Variants in PEX14 observed in about 807,000 individuals in gnomAD.
The protein encoded by PEX14 is peroxisomal biogenesis factor 14.
In PEX14, 15 loss-of-function variants were observed where a neutral mutation model predicts 49.5. That is an observed-to-expected ratio of 0.30 (90% CI 0.20 to 0.47). The LOEUF (loss-of-function observed/expected upper bound fraction) is 0.47. PEX14 is among the 20% of genes least tolerant of loss of function. PEX14 has a pLI of 1.00. For missense variants in PEX14, 398 were observed against 494.8 expected (o/e 0.80, Z 1.86); for synonymous variants, 210 against 212.7 (o/e 0.99, Z 0.11).
chr1:10,491,509 A>G (rs1641471980), intron 1 of PEX14, among the ~76,000 whole-genome samples: 1 of 149,718 alleles, frequency 6.7e-6, no homozygotes, highest in Non-Finnish European at 1.5e-5. Flanking sequence ...CTGGGACTAT[A>G]GGATGCACCA....
At chr1:10,483,778 C>T (rs1641322925) in intron 1 of PEX14, among the ~76,000 whole-genome samples, 1 of 151,662 alleles carries the variant, frequency 6.6e-6, no homozygotes, top group South Asian at 2.1e-4. Flanking sequence ...CCTGTGTAAC[C>T]ACCACTGCCA....
chr1:10,497,341 T>C (rs1336804247), intron 2 of PEX14, among the ~76,000 whole-genome samples: 1 of 152,084 alleles, frequency 6.6e-6, no homozygotes, highest in Non-Finnish European at 1.5e-5. Context: ...CACAGCTCAG[T>C]GTGGTGGTGT....
At chr1:10,525,389 C>A (rs756069455) in intron 2 of PEX14, among the ~76,000 whole-genome samples, 1 of 152,034 alleles carries the variant, frequency 6.6e-6, no homozygotes, top group Non-Finnish European at 1.5e-5. Context: ...CTGTGTTTCA[C>A]ACTTTGTGTT....
intron 3 of PEX14, among the ~76,000 whole-genome samples, chr1:10,575,818 A>AT (rs1044034779): frequency 1.3e-5 from 2 of 152,084 alleles, no homozygotes; most frequent in African/African-American, 4.8e-5. Context: ...GACTCATAGG[A>AT]TATGATGGTT....
intron 3 of PEX14, among the ~76,000 whole-genome samples, chr1:10,580,768 C>T (rs138480428): frequency 3.8e-4 from 58 of 151,348 alleles, no homozygotes; most frequent in African/African-American, 1.2e-3. Context: ...GACTACCGAA[C>T]ATTCCTAGCT....
chr1:10,626,054 C>T lies in PEX14; in HGVS notation c.586-1218C>T, dbSNP rs528400244. On this transcript the variant is annotated intron_variant, in intron 7 of 8. Coordinates refer to ENST00000356607, the MANE Select transcript of PEX14 (RefSeq NM_004565.3). ...GTTTTTATATCTGGCTTCCAAACTCCTACTGGAGCACTGTAAAAAATTAAA... is the reference window on the plus strand; with the variant it reads ...GTTTTTATATCTGGCTTCCAAACTCTTACTGGAGCACTGTAAAAAATTAAA... 2.3e-4 allele frequency among the ~76,000 whole-genome samples: 35 copies of T among 152,296 alleles called. No homozygotes were observed. In the Middle Eastern group the frequency reaches 0.014, roughly 59 times the overall value.
chr1:10,567,985 A>T (rs1262778619), intron 3 of PEX14, among the ~76,000 whole-genome samples: 1 of 152,158 alleles, frequency 6.6e-6, no homozygotes, highest in East Asian at 1.9e-4. Flanking sequence ...TATGTCTTTC[A>T]GCCAGTTCTT....
chr1:10,594,044 C>T (rs1049052526), intron 3 of PEX14, among the ~76,000 whole-genome samples: 2 of 152,112 alleles, frequency 1.3e-5, no homozygotes, highest in Admixed American at 6.6e-5. Flanking sequence ...GTCGTCATTA[C>T]GTGTAATTTA....
intron 2 of PEX14, among the ~76,000 whole-genome samples, chr1:10,520,757 G>A (rs1270171652): frequency 1.3e-5 from 2 of 152,178 alleles, no homozygotes; most frequent in Admixed American, 1.3e-4. Flanking sequence ...GCAGGAATTC[G>A]AAACGGGTCT....
chr1:10,554,413 T>C (rs1639427861), intron 3 of PEX14, among the ~76,000 whole-genome samples: 1 of 152,088 alleles, frequency 6.6e-6, no homozygotes, highest in African/African-American at 2.4e-5. Flanking sequence ...ATTAACTGAC[T>C]TGCTGGGAGA....
At chr1:10,491,997 T>C (rs988021761) in intron 1 of PEX14, among the ~76,000 whole-genome samples, 1 of 152,176 alleles carries the variant, frequency 6.6e-6, no homozygotes, top group African/African-American at 2.4e-5. Flanking sequence ...ATGCTTCTTA[T>C]ATGCTTTGAA....
chr1:10,478,711 C>T (rs766013511), intron 1 of PEX14, among the ~76,000 whole-genome samples: 35 of 151,550 alleles, frequency 2.3e-4, no homozygotes, highest in Non-Finnish European at 2.8e-4. Flanking sequence ...CCTGAGTAAC[C>T]GGGACTACAG....
chr1:10,609,795 G>A (rs933868067), intron 4 of PEX14, among the ~76,000 whole-genome samples: 1 of 152,162 alleles, frequency 6.6e-6, no homozygotes, highest in Admixed American at 6.5e-5. Flanking sequence ...TGAGGCAGGA[G>A]AATCCCATGA....
intron 2 of PEX14, among the ~76,000 whole-genome samples, chr1:10,517,571 T>C (rs993327301): frequency 5.3e-5 from 8 of 151,992 alleles, no homozygotes; most frequent in Non-Finnish European, 1.2e-4. Flanking sequence ...TGGGCAAGAA[T>C]GTGGCTGAAC....
intron 3 of PEX14, among the ~76,000 whole-genome samples, chr1:10,593,444 AG>A (rs1640728477): frequency 6.6e-6 from 1 of 151,956 alleles, no homozygotes. Context: ...ATTTAAGGAG[AG>A]GGGAAAGTCT....
intron 5 of PEX14, among the ~76,000 whole-genome samples, chr1:10,619,364 C>T (rs959715899): frequency 5.3e-5 from 8 of 150,362 alleles, no homozygotes; most frequent in Admixed American, 3.3e-4. Flanking sequence ...TCACCTAGGC[C>T]GGAGTGCAGT....
At chr1:10,571,016 T>TTTTA (rs1491288263) in intron 3 of PEX14, among the ~76,000 whole-genome samples, 1 of 9,456 alleles carries the variant, frequency 1.1e-4, no homozygotes, top group African/African-American at 2.3e-4. Context: ...GCCTGGCTAG[T>TTTTA]TTTTTTTTTT....
intron 1 of PEX14, among the ~76,000 whole-genome samples, chr1:10,491,941 C>G (rs1221812440): frequency 6.6e-6 from 1 of 152,082 alleles, no homozygotes; most frequent in African/African-American, 2.4e-5. Flanking sequence ...CCTTGGCCTC[C>G]TGAAGTGCTG....
intron 5 of PEX14, among the ~76,000 whole-genome samples, chr1:10,620,115 AAAAAAG>A (rs954365870): frequency 1.4e-4 from 22 of 152,002 alleles, no homozygotes; most frequent in East Asian, 3.9e-4. Context: ...ACTCCTTCTC[AAAAAAG>A]AAAAAGAAAA....
Sources: gnomAD v4.1 joint callset for allele counts (sites outside exome capture counted in the v4.1 genomes callset) on GRCh38, gnomAD v4.1.1 for gene constraint, MANE v1.5 for transcripts, NCBI Gene and HGNC (gene_info 2026-07-23, HGNC 2026-07-21) for gene names.